SNX24: variants seen among roughly 807,000 people sequenced by gnomAD.
The protein encoded by SNX24 is sorting nexin 24.
In SNX24, 22 loss-of-function variants were observed where a neutral mutation model predicts 28.7. The ratio of observed to expected loss-of-function variants is 0.77; its 90% CI spans 0.55 to 1.10. SNX24 has a LOEUF of 1.10. Among genes scored for constraint, SNX24 ranks in the 50% least tolerant of loss-of-function variants. The pLI is 0.00. For missense variants in SNX24, 221 were observed against 201.1 expected (o/e 1.10, Z -0.60); for synonymous variants, 69 against 71.5 (o/e 0.96, Z 0.18).
intron 3 of SNX24, among the ~76,000 whole-genome samples, chr5:122,979,804 A>ATG (rs1188256280): frequency 1.1e-4 from 17 of 152,356 alleles, no homozygotes; most frequent in African/African-American, 4.1e-4. Flanking sequence ...AAATGAATAT[A>ATG]CAAGTTGTGC....
intron 6 of SNX24, among the ~76,000 whole-genome samples, chr5:123,007,189 C>T (rs902518267): frequency 2.0e-5 from 3 of 152,126 alleles, no homozygotes; most frequent in Non-Finnish European, 4.4e-5. Flanking sequence ...GAAGACTGAC[C>T]CCCATCTTAC....
At chr5:122,921,928 C>A (rs1758448593) in intron 1 of SNX24, among the ~76,000 whole-genome samples, 1 of 152,166 alleles carries the variant, frequency 6.6e-6, no homozygotes, top group African/African-American at 2.4e-5. Flanking sequence ...CTAGCAGAAT[C>A]TCTTTGTTTG....
chr5:123,028,214 G>C (rs1178344271), intron 5 of SNX24, among the ~76,000 whole-genome samples: 1 of 152,146 alleles, frequency 6.6e-6, no homozygotes, highest in Non-Finnish European at 1.5e-5. Context: ...ACAGAAAAAT[G>C]AAAACACATA....
intron 1 of SNX24, among the ~76,000 whole-genome samples, chr5:122,849,522 A>G (rs1005167456): frequency 4.7e-5 from 7 of 149,884 alleles, no homozygotes; most frequent in African/African-American, 1.7e-4. Flanking sequence ...TTTTGCTAGG[A>G]TTGTGAATTT....
intron 3 of SNX24, among the ~76,000 whole-genome samples, chr5:122,997,264 G>T (rs1235755790): frequency 6.6e-6 from 1 of 152,140 alleles, no homozygotes; most frequent in Non-Finnish European, 1.5e-5. Context: ...TCTCAATGCT[G>T]CCTTCTCTAA....
At chr5:122,992,662 C>A (rs1348110287) in intron 3 of SNX24, among the ~76,000 whole-genome samples, 1 of 152,226 alleles carries the variant, frequency 6.6e-6, no homozygotes, top group African/African-American at 2.4e-5. Context: ...ACTAGCTACT[C>A]CCCTTTAAGG....
intron 1 of SNX24, among the ~76,000 whole-genome samples, chr5:122,911,155 G>T (rs567745922): frequency 0.013 from 1,912 of 152,234 alleles, 18 homozygotes; most frequent in Non-Finnish European, 0.02. Context: ...TTTAATGATT[G>T]CCATTCTAAC....
At chr5:122,966,544 A>G (rs1172531124) in intron 3 of SNX24, among the ~76,000 whole-genome samples, 1 of 152,178 alleles carries the variant, frequency 6.6e-6, no homozygotes, top group Non-Finnish European at 1.5e-5. Context: ...AGCCAGACCT[A>G]ATTTGGCTGT....
intron 1 of SNX24, among the ~76,000 whole-genome samples, chr5:122,901,198 T>C (rs1236026663): frequency 7.1e-6 from 1 of 140,494 alleles, no homozygotes; most frequent in Non-Finnish European, 1.5e-5. Context: ...CAAAACTCCA[T>C]CTCAAAAAAA....
rs571979264 is a variant in SNX24 at position 122,976,539 on chromosome 5, A to G, written c.250-23373A>G. ...TCACTCTTCCAGATTGATGCTATTT[A>G]TTTTTCATTGGCACACAAAAGGTTG... On this transcript the variant is annotated intron_variant, in intron 3 of 6. Transcript: ENST00000261369. Among the ~76,000 whole-genome samples, 316 of 152,262 alleles carry G rather than the reference A, an allele frequency of 2.1e-3. 2 individuals carry two copies. Among genetic ancestry groups the G allele is most frequent in the African/African-American group, 7.1e-3 (294 of 41,556 alleles).
intron 1 of SNX24, among the ~76,000 whole-genome samples, chr5:122,932,213 T>C (rs1005641011): frequency 6.6e-6 from 1 of 152,262 alleles, no homozygotes; most frequent in Non-Finnish European, 1.5e-5. Flanking sequence ...AGAATGATTT[T>C]TGTTTTGTTA....
chr5:122,946,008 ATC>A, intron 2 of SNX24, 45 bp from the exon 3 acceptor site: 1 of 964,882 alleles, frequency 1.0e-6, no homozygotes. Context: ...ATTAACAGAC[ATC>A]TCTGTTTTTT....
chr5:122,860,461 T>A (rs1755406553), intron 1 of SNX24, among the ~76,000 whole-genome samples: 2 of 152,224 alleles, frequency 1.3e-5, no homozygotes, highest in South Asian at 4.1e-4. Flanking sequence ...TTTGGGCCAC[T>A]CTAAACATTG....
At chr5:123,020,504 T>C (rs1196542575) in intron 5 of SNX24, among the ~76,000 whole-genome samples, 1 of 152,214 alleles carries the variant, frequency 6.6e-6, no homozygotes. Flanking sequence ...CATACTATTC[T>C]ATTATGGGAT....
chr5:122,940,662 C>G (rs972994698), intron 2 of SNX24, among the ~76,000 whole-genome samples: 2 of 152,190 alleles, frequency 1.3e-5, no homozygotes, highest in African/African-American at 4.8e-5. Context: ...ACCTCCGTCT[C>G]CCAGGTTCAA....
intron 1 of SNX24, among the ~76,000 whole-genome samples, chr5:122,898,646 T>C (rs1444933597): frequency 6.6e-6 from 1 of 152,174 alleles, no homozygotes; most frequent in Non-Finnish European, 1.5e-5. Context: ...AATAACATTT[T>C]GTTTCTTAAA....
chr5:123,027,080 G>C (rs1191965635), intron 5 of SNX24, among the ~76,000 whole-genome samples: 9 of 152,238 alleles, frequency 5.9e-5, no homozygotes, highest in Non-Finnish European at 1.5e-5. Context: ...TGCAATCCCA[G>C]CTACTTGGGA....
chr5:122,876,891 A>G (rs1457735957), intron 1 of SNX24, among the ~76,000 whole-genome samples: 3 of 152,198 alleles, frequency 2.0e-5, no homozygotes, highest in African/African-American at 7.2e-5. Context: ...AAAGTTAGAA[A>G]GATAAAATGA....
In SNX24 at chr5:122,895,598, G is replaced by A. The variant is rs537443518; in HGVS notation, c.61-41136G>A. 4.0e-4 allele frequency among the ~76,000 whole-genome samples: 61 copies of A among 152,138 alleles called. 1 individual carries two copies. Among genetic ancestry groups the A allele is most frequent in the Non-Finnish European group, 6.0e-4 (41 of 68,024 alleles). On this transcript the variant is annotated intron_variant, in intron 1 of 6. Transcript: ENST00000261369. Reference sequence around the variant, plus strand: ...CCTAGGCTGGGGGCTGGAGGGTGATGAATTATCATCCCCCGCAGGGGACAC... The same window carrying A: ...CCTAGGCTGGGGGCTGGAGGGTGATAAATTATCATCCCCCGCAGGGGACAC...
Sources: allele counts gnomAD v4.1 joint callset (sites outside exome capture counted in the v4.1 genomes callset), GRCh38; gene constraint gnomAD v4.1.1; transcripts MANE v1.5; gene names NCBI Gene and HGNC (gene_info 2026-07-23, HGNC 2026-07-21).